G3BP2: variants seen among roughly 807,000 people sequenced by gnomAD.
G3BP2 encodes G3BP stress granule assembly factor 2.
In G3BP2, 11 loss-of-function variants were observed where a neutral mutation model predicts 56.7. The ratio of observed to expected loss-of-function variants is 0.19; its 90% CI spans 0.12 to 0.32. The LOEUF (loss-of-function observed/expected upper bound fraction) is 0.32. G3BP2 is among the 10% of genes least tolerant of loss of function. The pLI, the probability that G3BP2 is intolerant of heterozygous loss-of-function variation, is 1.00. For missense variants in G3BP2, 340 were observed against 610.9 expected, an observed-to-expected ratio of 0.56 and a Z score of 4.67; for synonymous variants, 165 against 191.6, an observed-to-expected ratio of 0.86 and a Z score of 1.15.
At chr4:75,668,482 A>C (rs1178193595) in intron 1 of G3BP2, among the ~76,000 whole-genome samples, 1 of 152,244 alleles carries the variant, frequency 6.6e-6, no homozygotes, top group Non-Finnish European at 1.5e-5. Flanking sequence ...AATGGAAATT[A>C]TAAGAAGGTA....
In G3BP2 at chr4:75,706,538, G is replaced by A. The variant is rs547420069; in HGVS notation, c.-25+14339C>T. Among the ~76,000 whole-genome samples, 257 of 152,160 alleles carry A rather than the reference G, an allele frequency of 1.7e-3. 1 individual carries two copies. The highest frequency in any genetic ancestry group is 5.9e-3 in the African/African-American group (245 of 41,500). On this transcript the variant is annotated intron_variant, in intron 3 of 3. Coordinates refer to the G3BP2 transcript ENST00000499709. Reference sequence around the variant, plus strand: ...ACTAAAAATACAAAATTAGCGGGGCGTGGTGGCGCATGCCTGTAATACCAG... The same window carrying A: ...ACTAAAAATACAAAATTAGCGGGGCATGGTGGCGCATGCCTGTAATACCAG...
intron 8 of G3BP2, chr4:75,649,025 G>A: frequency 4.8e-6 from 1 of 206,300 alleles, no homozygotes. Context: ...CACTGAAATA[G>A]CATAAAAGGT....
At chr4:75,646,649 G>A (rs1223998607) in intron 10 of G3BP2, among the ~76,000 whole-genome samples, 193 bp from the exon 11 acceptor site, 2 of 152,170 alleles carry the variant, frequency 1.3e-5, no homozygotes, top group Non-Finnish European at 2.9e-5. Context: ...TAGCCTGCCC[G>A]CCTGCTGTGT....
chr4:75,657,966 T>G (rs1167662869), intron 3 of G3BP2, among the ~76,000 whole-genome samples: 1 of 152,220 alleles, frequency 6.6e-6, no homozygotes, highest in African/African-American at 2.4e-5. Context: ...CTCCCACTTT[T>G]CTGTAGTAAG....
At chr4:75,706,227 G>A (rs528028452) in intron 3 of G3BP2, among the ~76,000 whole-genome samples, 10 of 152,268 alleles carry the variant, frequency 6.6e-5, no homozygotes, top group Admixed American at 3.3e-4. Flanking sequence ...GGATATTGAG[G>A]CAGCATTGTG....
At chr4:75,679,831 C>A (rs1734006630) in intron 3 of G3BP2, among the ~76,000 whole-genome samples, 1 of 152,200 alleles carries the variant, frequency 6.6e-6, no homozygotes, top group African/African-American at 2.4e-5. Flanking sequence ...CAGCTAAAAG[C>A]ACCTCAGGCT....
intron 3 of G3BP2, among the ~76,000 whole-genome samples, chr4:75,703,886 A>T (rs1388937002): frequency 6.6e-6 from 1 of 152,228 alleles, no homozygotes; most frequent in Non-Finnish European, 1.5e-5. Flanking sequence ...ATGATAATTT[A>T]ACCTAAATAT....
chr4:75,649,005 G>A (rs1004341654), intron 8 of G3BP2: 3 of 257,914 alleles, frequency 1.2e-5, no homozygotes, highest in African/African-American at 6.6e-5. Flanking sequence ...TTTCATTAAA[G>A]TTATATCAAC....
At chr4:75,662,216 A>T in intron 1 of G3BP2, 167 bp from the exon 2 acceptor site, 1 of 447,212 alleles carries the variant, frequency 2.2e-6, no homozygotes. Flanking sequence ...GACTAACCTG[A>T]AATAATTTTT....
intron 1 of G3BP2, 148 bp downstream of exon 1, chr4:75,673,060 G>A (rs1434993701): frequency 2.0e-6 from 2 of 1,002,634 alleles, no homozygotes; most frequent in Non-Finnish European, 2.4e-6. Flanking sequence ...ACACGGCACC[G>A]TAGGGAGCCG....
At position 75,643,369 on chromosome 4, in the gene G3BP2, AAAC is replaced by A. The variant is rs1043691163; in HGVS notation, c.*2058_*2060del. On this transcript the variant is annotated 3_prime_UTR_variant, in exon 12 of 12. Transcript: ENST00000359707. ...TGGGGGAAAAAAAACATTGACAATA[AAAC>A]AACTGCTTCTTTAAAAGTAGTATTA... 4 of 147,918 alleles carry A rather than the reference AAAC, an allele frequency of 2.7e-5. No individual in the cohort carries two copies. The highest frequency in any genetic ancestry group is 6.0e-5 in the Non-Finnish European group (4 of 66,942). 9.2% of individuals were successfully genotyped at this position (147,918 alleles called of 1,614,324 possible).
intron 3 of G3BP2, among the ~76,000 whole-genome samples, chr4:75,683,400 C>A (rs1316133672): frequency 6.6e-6 from 1 of 151,940 alleles, no homozygotes; most frequent in Non-Finnish European, 1.5e-5. Flanking sequence ...CCTGTCTCTA[C>A]TAAAAATATA....
At chr4:75,664,668 T>C (rs1303047775) in intron 1 of G3BP2, among the ~76,000 whole-genome samples, 1 of 151,718 alleles carries the variant, frequency 6.6e-6, no homozygotes, top group Non-Finnish European at 1.5e-5. Context: ...ACCAAGATGG[T>C]GAAACCCCAT....
At chr4:75,700,875 G>A (rs1474763589) in intron 3 of G3BP2, among the ~76,000 whole-genome samples, 1 of 152,028 alleles carries the variant, frequency 6.6e-6, no homozygotes, top group African/African-American at 2.4e-5. Context: ...TTTCACTCTT[G>A]TTGACCAGGC....
At chr4:75,683,545 C>T (rs1030769306) in intron 3 of G3BP2, among the ~76,000 whole-genome samples, 5 of 151,534 alleles carry the variant, frequency 3.3e-5, no homozygotes, top group Non-Finnish European at 5.9e-5. Context: ...GCCTGGACAA[C>T]GAGCGAAATT....
intron 1 of G3BP2, among the ~76,000 whole-genome samples, chr4:75,669,127 C>T (rs1733285006): frequency 6.6e-6 from 1 of 152,176 alleles, no homozygotes; most frequent in South Asian, 2.1e-4. Context: ...CGCAGAATTT[C>T]TCAAGGTTCT....
At chr4:75,707,346 G>C (rs1381190830) in intron 3 of G3BP2, among the ~76,000 whole-genome samples, 2 of 152,094 alleles carry the variant, frequency 1.3e-5, no homozygotes, top group South Asian at 2.1e-4. Flanking sequence ...ATTATCGGCA[G>C]CGCCGTGGCT....
rs117558025 is a variant in G3BP2 at position 75,670,808 on chromosome 4, C to T, written c.-25+2400G>A. Among the ~76,000 whole-genome samples the T allele has an allele frequency of 3.0e-3, 444 of 150,222 alleles. 5 individuals carry two copies. The highest frequency in any genetic ancestry group is 0.023 in the East Asian group (120 of 5,186). ...TCAGGTCTCCTGACTCCTGACTCAA[C>T]TGATGTTTTCATTACACTTTGGTTA... is the stretch of plus-strand genomic sequence containing the variant. On this transcript the variant is annotated intron_variant, in intron 1 of 11. Transcript: ENST00000359707.
intron 3 of G3BP2, among the ~76,000 whole-genome samples, chr4:75,683,574 A>G (rs1718439440): frequency 6.6e-6 from 1 of 152,134 alleles, no homozygotes. Context: ...ATTAAAAAAA[A>G]AAAAGAATAA....
Sources: gnomAD v4.1 joint callset for allele counts (sites outside exome capture counted in the v4.1 genomes callset) on GRCh38, gnomAD v4.1.1 for gene constraint, MANE v1.5 for transcripts, NCBI Gene and HGNC (gene_info 2026-07-23, HGNC 2026-07-21) for gene names.